Variants in CSNK2A1 observed in about 807,000 individuals in gnomAD.
CSNK2A1 encodes casein kinase 2 alpha 1, also known as casein kinase II subunit alpha.
In CSNK2A1, 10 loss-of-function variants were observed where a neutral mutation model predicts 62.9. The observed-to-expected ratio is 0.16, with a 90% CI of 0.10 to 0.27. The LOEUF (loss-of-function observed/expected upper bound fraction) is 0.27. CSNK2A1 is among the 10% of genes least tolerant of loss of function. The probability of loss-of-function intolerance (pLI) is 1.00; values close to 1 mark genes in which losing one functional copy is unlikely to be tolerated. For synonymous variants in CSNK2A1, 124 were observed against 167.8 expected (o/e 0.74, Z 2.02); for missense variants, 160 against 492.0 (o/e 0.33, Z 6.38).
chr20:524,293 C>T (rs535264476), intron 2 of CSNK2A1, among the ~76,000 whole-genome samples: 104 of 150,578 alleles, frequency 6.9e-4, no homozygotes, highest in South Asian at 2.1e-3. Flanking sequence ...TGTGGTGGTG[C>T]GTGCCTGTAG....
chr20:526,171 T>C (rs951207849), intron 2 of CSNK2A1, among the ~76,000 whole-genome samples: 44 of 151,484 alleles, frequency 2.9e-4, no homozygotes, highest in African/African-American at 9.7e-4. Flanking sequence ...CAATACCAAT[T>C]GAGTCTTTAA....
intron 2 of CSNK2A1, among the ~76,000 whole-genome samples, chr20:511,356 G>A (rs2018715340): frequency 6.6e-6 from 1 of 151,876 alleles, no homozygotes; most frequent in Non-Finnish European, 1.5e-5. Context: ...AATAAAAACT[G>A]CCATTTTATC....
rs995846608 is a variant in CSNK2A1, at chr20:483,040, A to C, written c.*921T>G. 1.3e-5 allele frequency: 2 copies of C among 152,244 alleles called. No individual in the cohort carries two copies. Among genetic ancestry groups the C allele is most frequent in the African/African-American group, 4.8e-5 (2 of 41,444 alleles). The allele number at this position is 152,244 out of a possible 1,614,324, so 9.4% of individuals were successfully genotyped here. ...GCTCTAGCATGAAACCTGTACAGAC[A>C]ATGTTTGTTTCTTTTGTAAAAAGCA... On this transcript the variant is annotated 3_prime_UTR_variant, in exon 14 of 14. Coordinates refer to ENST00000217244, the MANE Select transcript of CSNK2A1 (RefSeq NM_177559.3).
At chr20:521,401 A>G (rs544112603) in intron 2 of CSNK2A1, among the ~76,000 whole-genome samples, 4 of 152,342 alleles carry the variant, frequency 2.6e-5, no homozygotes, top group Non-Finnish European at 5.9e-5. Flanking sequence ...AAAAAACAGA[A>G]AACAAAACTA....
chr20:503,505 C>T (rs2018511818), intron 4 of CSNK2A1: 3 of 398,532 alleles, frequency 7.5e-6, no homozygotes, highest in South Asian at 2.5e-4. Context: ...GAACACTTTA[C>T]ATTTTTGAGG....
intron 2 of CSNK2A1, chr20:527,001 C>CAGACAGAGAGAGAGAGAGAGAGAGAG (rs1197678638): frequency 1.8e-4 from 18 of 97,890 alleles, no homozygotes; most frequent in Non-Finnish European, 3.0e-4. Flanking sequence ...GAGAGACAGA[C>CAGACAGAGAGAGAGAGAGAGAGAGAG]AGAGAGAGAG....
rs1475609453 is a variant in CSNK2A1 at position 473,864 on chromosome 20, C to T, written c.*10097G>A. ...AGAAGACCTTTTCCAGAAGACCTCTCCCTGTGTATCCACTTCTAAACCAGT... is the reference window on the plus strand; with the variant it reads ...AGAAGACCTTTTCCAGAAGACCTCTTCCTGTGTATCCACTTCTAAACCAGT... On this transcript the variant is annotated 3_prime_UTR_variant, in exon 14 of 14. Coordinates refer to ENST00000217244, the MANE Select transcript of CSNK2A1 (RefSeq NM_177559.3). The T allele has an allele frequency of 1.3e-5, 2 of 152,182 alleles. No homozygotes were observed. Among genetic ancestry groups the T allele is most frequent in the Non-Finnish European group, 2.9e-5 (2 of 68,056 alleles). 9.4% of individuals were successfully genotyped at this position (152,182 alleles called of 1,614,324 possible).
At chr20:538,109 C>A (rs1306940894) in intron 1 of CSNK2A1, among the ~76,000 whole-genome samples, 1 of 152,060 alleles carries the variant, frequency 6.6e-6, no homozygotes, top group Non-Finnish European at 1.5e-5. Flanking sequence ...CAGGCACGCA[C>A]CTCCACACTC....
In CSNK2A1 at chr20:479,805, A is replaced by G. The variant is rs2122479969; in HGVS notation, c.*4156T>C. The G allele has an allele frequency of 6.6e-6, 1 of 152,362 alleles. No homozygotes were observed. The highest frequency in any genetic ancestry group is 1.9e-4 in the East Asian group (1 of 5,194). The allele number at this position is 152,362 out of a possible 1,614,324, so 9.4% of individuals were successfully genotyped here. A position where few individuals can be genotyped will look rare whatever the true frequency, so the allele number is the denominator to read the frequency against. ...TACACGTTGAGCATTTCTAATTTGA[A>G]AATACAAAATCCTCAAAAATCTGAA... On this transcript the variant is annotated 3_prime_UTR_variant, in exon 14 of 14. Coordinates refer to ENST00000217244, the MANE Select transcript of CSNK2A1 (RefSeq NM_177559.3).
chr20:495,732 T>A lies in CSNK2A1; in HGVS notation c.497A>T (p.His166Leu). ...DVKPHNVMID[H>L]EHRKLRLIDW... Reference sequence around the variant, plus strand: ...CTATCACTTTACCTTTCTGTGCTCATGATCAATCATGACATTATGGGGCTT... The same window carrying A: ...CTATCACTTTACCTTTCTGTGCTCAAGATCAATCATGACATTATGGGGCTT... The change falls in exon 8 of 14, where the codon CAT (histidine) becomes CTT (leucine). Residue 166 changes from histidine (H) to leucine (L), a missense_variant. Physicochemically the swap from His to Leu is moderately conservative, Grantham distance 99. This residue lies in a region of CSNK2A1 where 94 missense variants were observed against 357.6 expected (regional missense o/e 0.26). Coordinates refer to ENST00000217244, the MANE Select transcript of CSNK2A1 (RefSeq NM_177559.3). 6.2e-7 allele frequency: 1 copy of A among 1,613,992 alleles called. No individual in the cohort carries two copies. Among genetic ancestry groups the A allele is most frequent in the Non-Finnish European group, 8.5e-7 (1 of 1,179,842 alleles).
chr20:538,690 G>A (rs1447945372), intron 1 of CSNK2A1, among the ~76,000 whole-genome samples: 2 of 152,164 alleles, frequency 1.3e-5, no homozygotes, highest in South Asian at 2.1e-4. Flanking sequence ...AGTTTGAGCT[G>A]AGCTGGGGTG....
chr20:499,977 T>C lies in CSNK2A1; in HGVS notation c.214-43A>G, dbSNP rs73892426. ...CATCAGCAAAAAAAAAAAAAAAAAA[T>C]TTTTTCAGAGTATTTCAACACGTAG... On this transcript the variant is annotated intron_variant, in intron 4 of 13. Coordinates refer to ENST00000217244, the MANE Select transcript of CSNK2A1 (RefSeq NM_177559.3). The surrounding 1 kb of genome is among the most constrained non-coding windows in gnomAD (Gnocchi z 4.2). The C allele has an allele frequency of 5.6e-6, 6 of 1,067,418 alleles. No homozygotes were observed. Among genetic ancestry groups the C allele is most frequent in the Non-Finnish European group, 8.0e-6 (6 of 747,296 alleles). 66.1% of individuals were successfully genotyped at this position (1,067,418 alleles called of 1,614,324 possible).
chr20:508,417 G>T (rs2018649340), intron 3 of CSNK2A1, 34 bp downstream of exon 3: 8 of 1,608,656 alleles, frequency 5.0e-6, no homozygotes, highest in Non-Finnish European at 6.8e-6. Flanking sequence ...TCAGCCCTTT[G>T]AGTGAGTATA....
At chr20:506,021 G>T (rs577305454) in intron 3 of CSNK2A1, 1 of 151,676 alleles carries the variant, frequency 6.6e-6, no homozygotes, top group African/African-American at 2.4e-5. Context: ...GACTACAGGC[G>T]CCCACCACCA....
At position 475,839 on chromosome 20, in the gene CSNK2A1, G is replaced by C. The variant is rs974065952; in HGVS notation, c.*8122C>G. ...GAAGAGCACGCCCTGAGTAGCTGCT[G>C]CAACTTCTGCCACATTGGGCAAACC... On this transcript the variant is annotated 3_prime_UTR_variant, in exon 14 of 14. Transcript: ENST00000217244. The C allele has an allele frequency of 9.9e-5, 15 of 152,190 alleles. No homozygotes were observed. The highest frequency in any genetic ancestry group is 3.6e-4 in the African/African-American group (15 of 41,440). 9.4% of individuals were successfully genotyped at this position (152,190 alleles called of 1,614,324 possible).
intron 2 of CSNK2A1, among the ~76,000 whole-genome samples, chr20:512,839 TCTTCA>T (rs2018752984): frequency 6.6e-6 from 1 of 152,222 alleles, no homozygotes; most frequent in Admixed American, 6.5e-5. Context: ...CATTAATCTA[TCTTCA>T]CTTAATATCA....
In CSNK2A1 at chr20:482,070, A is replaced by G. The variant is rs1183328688; in HGVS notation, c.*1891T>C. 6.6e-6 allele frequency: 1 copy of G among 152,168 alleles called. No individual in the cohort carries two copies. The highest frequency in any genetic ancestry group is 1.9e-4 in the East Asian group (1 of 5,202). 9.4% of individuals were successfully genotyped at this position (152,168 alleles called of 1,614,324 possible). A position where few individuals can be genotyped will look rare whatever the true frequency, so the allele number is the denominator to read the frequency against. On this transcript the variant is annotated 3_prime_UTR_variant, in exon 14 of 14. Coordinates refer to ENST00000217244, the MANE Select transcript of CSNK2A1 (RefSeq NM_177559.3). ...CTAAAGTTTACCATTATATTCACTA[A>G]AGCCACCACCTTGATAAAGTTACTA...
Position 499,806 on chromosome 20 carries a change from G to C in CSNK2A1, c.315+27C>G. ...GTCAAACACCATCTCAGCTCTGGCG[G>C]GCCTTGCTAACACCTACTATACTCA... is the stretch of plus-strand genomic sequence containing the variant. On this transcript the variant is annotated intron_variant, in intron 5 of 13. Transcript: ENST00000217244. The surrounding 1 kb of genome is among the most constrained non-coding windows in gnomAD (Gnocchi z 4.2). 1 of 1,606,228 alleles carries C rather than the reference G, an allele frequency of 6.2e-7. No individual in the cohort carries two copies. The highest frequency in any genetic ancestry group is 8.5e-7 in the Non-Finnish European group (1 of 1,174,404).
intron 3 of CSNK2A1, chr20:507,770 C>G (rs2018635348): frequency 6.6e-6 from 1 of 152,210 alleles, no homozygotes; most frequent in African/African-American, 2.4e-5. Context: ...TTGGTGTTTT[C>G]AAAGTCTCTC....
Sources: gnomAD v4.1 joint callset for allele counts (sites outside exome capture counted in the v4.1 genomes callset) on GRCh38, gnomAD v4.1.1 for gene constraint, gnomAD v4.1.1 regional missense constraint, Gnocchi (gnomAD v3.1) non-coding constraint, MANE v1.5 for transcripts, NCBI Gene and HGNC (gene_info 2026-07-23, HGNC 2026-07-21) for gene names.